Variants in SPEN observed in about 807,000 individuals in gnomAD.
The protein encoded by SPEN is msx2-interacting protein.
A neutral mutation model predicts 269.9 loss-of-function variants in SPEN; 18 were observed. That is an observed-to-expected ratio of 0.07 (90% CI 0.05 to 0.10). The LOEUF (loss-of-function observed/expected upper bound fraction) is 0.10, where lower values mean the gene tolerates loss of function less well. SPEN is among the 10% of genes least tolerant of loss of function. The pLI is 1.00. For synonymous variants in SPEN, 1,726 were observed against 1,765.7 expected (o/e 0.98, Z 0.56); for missense variants, 3,822 against 4,631.2 (o/e 0.83, Z 5.07).
At chr1:15,912,774 T>C (rs1215471677) in intron 5 of SPEN, among the ~76,000 whole-genome samples, 1 of 152,208 alleles carries the variant, frequency 6.6e-6, no homozygotes, top group Non-Finnish European at 1.5e-5. Context: ...TTTAACACAT[T>C]TGGAACAGGT....
intron 3 of SPEN, among the ~76,000 whole-genome samples, chr1:15,902,634 A>G (rs987189431): frequency 5.9e-5 from 9 of 152,104 alleles, no homozygotes; most frequent in African/African-American, 1.9e-4. Context: ...ACAAAGTAAG[A>G]CCCCGTCTCT....
chr1:15,921,707 G>T (rs1228390019), intron 9 of SPEN, among the ~76,000 whole-genome samples: 1 of 152,138 alleles, frequency 6.6e-6, no homozygotes, highest in Non-Finnish European at 1.5e-5. Context: ...ATAACTTTAT[G>T]TCCAGTGTAT....
intron 1 of SPEN, among the ~76,000 whole-genome samples, chr1:15,858,259 A>AG (rs1355049409): frequency 1.3e-5 from 2 of 151,288 alleles, no homozygotes; most frequent in Non-Finnish European, 3.0e-5. Flanking sequence ...CAGCAAAAAA[A>AG]AAAAAAGTTC....
intron 1 of SPEN, among the ~76,000 whole-genome samples, chr1:15,864,766 G>A (rs190563206): frequency 6.6e-6 from 1 of 151,402 alleles, no homozygotes; most frequent in African/African-American, 2.4e-5. Flanking sequence ...TCAGCCTACC[G>A]AGTAGCTAGG....
Position 15,932,099 on chromosome 1 carries a change from T to C in SPEN, c.5859T>C (p.Pro1953=). The C allele has an allele frequency of 1.2e-6, 2 of 1,613,518 alleles. No individual in the cohort carries two copies. Among genetic ancestry groups the C allele is most frequent in the South Asian group, 2.2e-5 (2 of 91,058 alleles). Residue 1953 remains proline, a synonymous_variant, in exon 11 of 15, where the codon CCT becomes CCC. Transcript: ENST00000375759. This position sits in a 1 kb window ranked among gnomAD's most constrained non-coding sequence, Gnocchi z 4.2. ...CCACCACCCCTCGGAGGGGAAGGCC[T>C]CCAAAGACACGCCGGCGAGCCGATG... The part of the protein sequence containing the change: ...AVPTTPRRGR[P]PKTRRRADEE...
At chr1:15,883,253 G>A (rs975670777) in intron 3 of SPEN, among the ~76,000 whole-genome samples, 3 of 152,140 alleles carry the variant, frequency 2.0e-5, no homozygotes, top group African/African-American at 4.8e-5. Context: ...GTTCCTGGGC[G>A]GGGAAGCAGA....
intron 3 of SPEN, among the ~76,000 whole-genome samples, chr1:15,884,778 G>T (rs570717849): frequency 6.6e-6 from 1 of 151,632 alleles, no homozygotes; most frequent in East Asian, 1.9e-4. Context: ...TTCGTCACCG[G>T]GCTAGAGTGC....
chr1:15,887,489 G>C (rs1345976382), intron 3 of SPEN, among the ~76,000 whole-genome samples: 1 of 149,726 alleles, frequency 6.7e-6, no homozygotes. Context: ...CACCATGTTA[G>C]CCAGGATGGT....
At chr1:15,889,290 T>C (rs1164785048) in intron 3 of SPEN, among the ~76,000 whole-genome samples, 2 of 151,554 alleles carry the variant, frequency 1.3e-5, no homozygotes, top group African/African-American at 4.9e-5. Context: ...CTCAGCCTCC[T>C]GAGTAGCTGG....
At chr1:15,924,019 C>T (rs767380531) in intron 10 of SPEN, among the ~76,000 whole-genome samples, 1 of 152,152 alleles carries the variant, frequency 6.6e-6, no homozygotes, top group Non-Finnish European at 1.5e-5. Flanking sequence ...TTCTCAAAAG[C>T]TCAAACTTGT....
chr1:15,931,038 A>G lies in SPEN; in HGVS notation c.4798A>G (p.Lys1600Glu), dbSNP rs2071214876. The G allele has an allele frequency of 6.2e-7, 1 of 1,613,554 alleles. No homozygotes were observed. The highest frequency in any genetic ancestry group is 8.5e-7 in the Non-Finnish European group (1 of 1,179,902). ...LTRMQQKEKE[K>E]DQKPKEVEKQ... Reference sequence around the variant, plus strand: ...ACGGATGCAACAGAAAGAAAAAGAAAAAGACCAGAAACCCAAAGAGGTTGA... The same window carrying G: ...ACGGATGCAACAGAAAGAAAAAGAAGAAGACCAGAAACCCAAAGAGGTTGA... The change falls in exon 11 of 15, where the codon AAA (lysine) becomes GAA (glutamate). Residue 1600 changes from lysine to glutamate, a missense_variant. Around this residue, in one of 16 missense-constraint regions of SPEN, gnomAD observed 533 missense variants for 618.8 expected, o/e 0.86. Coordinates refer to ENST00000375759, the MANE Select transcript of SPEN (RefSeq NM_015001.3). This position sits in a 1 kb window ranked among gnomAD's most constrained non-coding sequence, Gnocchi z 4.8.
intron 3 of SPEN, among the ~76,000 whole-genome samples, chr1:15,894,392 G>T (rs972921625): frequency 1.3e-5 from 2 of 152,016 alleles, no homozygotes; most frequent in Admixed American, 6.6e-5. Flanking sequence ...TGAGTACAAG[G>T]TTTTCTGAGT....
At chr1:15,903,088 T>C (rs2070918935) in intron 3 of SPEN, among the ~76,000 whole-genome samples, 1 of 152,242 alleles carries the variant, frequency 6.6e-6, no homozygotes, top group South Asian at 2.1e-4. Context: ...AGTCATCTTA[T>C]AAATAGCATA....
At chr1:15,902,753 C>A (rs2070915808) in intron 3 of SPEN, among the ~76,000 whole-genome samples, 1 of 152,130 alleles carries the variant, frequency 6.6e-6, no homozygotes, top group Non-Finnish European at 1.5e-5. Flanking sequence ...TTTCTTTTGA[C>A]CCCAAATTAT....
At chr1:15,921,052 G>C in intron 9 of SPEN, 69 bp downstream of exon 9, 2 of 1,020,290 alleles carry the variant, frequency 2.0e-6, no homozygotes, top group Non-Finnish European at 2.8e-6. Context: ...TGGGCTGGGC[G>C]TGGTGGCTCA....
At chr1:15,912,625 A>G (rs1305739572) in intron 5 of SPEN, among the ~76,000 whole-genome samples, 2 of 152,206 alleles carry the variant, frequency 1.3e-5, no homozygotes, top group South Asian at 4.1e-4. Context: ...TGATGTTACA[A>G]TGAAACATAA....
In SPEN at chr1:15,909,362, G is replaced by T. The variant is rs752245407; in HGVS notation, c.923G>T (p.Arg308Leu). Residue 308 changes from arginine to leucine, a missense_variant, in exon 4 of 15, where the codon CGA becomes CTA. Transcript: ENST00000375759. ...SSSSSDDSPA[R>L]SVQSAAVPAP... Reference sequence around the variant, plus strand: ...AGTTCAAGTGATGATTCTCCAGCTCGATCAGTTCAGTCTGCAGCAGTCCCT... The same window carrying T: ...AGTTCAAGTGATGATTCTCCAGCTCTATCAGTTCAGTCTGCAGCAGTCCCT... The T allele has an allele frequency of 1.3e-5, 21 of 1,613,646 alleles. No homozygotes were observed. Among genetic ancestry groups the T allele is most frequent in the Non-Finnish European group, 1.8e-5 (21 of 1,179,898 alleles).
At chr1:15,899,543 T>G (rs1016513751) in intron 3 of SPEN, among the ~76,000 whole-genome samples, 2 of 147,388 alleles carry the variant, frequency 1.4e-5, no homozygotes, top group African/African-American at 2.5e-5. Flanking sequence ...CAGAGTTTTT[T>G]TTTTTTTTTT....
chr1:15,876,329 T>G lies in SPEN; in HGVS notation c.532T>G (p.Leu178Val). Residue 178 changes from leucine to valine, a missense_variant, in exon 3 of 15, where the codon TTA becomes GTA. By Grantham distance (32) the Leu-to-Val change is conservative. Transcript: ENST00000375759. ...DYYRDPRERT[L>V]QHGLYYASRS... ...CTATAGAGATCCTCGAGAGCGGACTTTACAACATGGGCTCTATTACGCTTC... is the reference window on the plus strand; with the variant it reads ...CTATAGAGATCCTCGAGAGCGGACTGTACAACATGGGCTCTATTACGCTTC... The G allele has an allele frequency of 6.2e-7, 1 of 1,613,932 alleles. No homozygotes were observed.
Sources: allele counts gnomAD v4.1 joint callset (sites outside exome capture counted in the v4.1 genomes callset), GRCh38; gene constraint gnomAD v4.1.1; regional missense constraint gnomAD v4.1.1; non-coding constraint Gnocchi (gnomAD v3.1); transcripts MANE v1.5; gene names NCBI Gene and HGNC (gene_info 2026-07-23, HGNC 2026-07-21).